The following SMIM29 variants were observed in gnomAD, a reference collection of about 807,000 sequenced individuals.
SMIM29 encodes small integral membrane protein 29, also known as uncharacterized protein C6orf1.
In SMIM29, 4 loss-of-function variants were observed where a neutral mutation model predicts 12.9. The ratio of observed to expected loss-of-function variants is 0.31; its 90% CI spans 0.15 to 0.71. The LOEUF is 0.71. Ranked by LOEUF, SMIM29 falls within the 30% of genes least tolerant of loss-of-function variation. SMIM29 has a pLI of 0.70. For synonymous variants in SMIM29, 50 were observed against 52.0 expected (o/e 0.96, Z 0.17); for missense variants, 122 against 138.1 (o/e 0.88, Z 0.58).
At chr6:34,248,891 C>A in intron 1 of SMIM29, 88 bp downstream of exon 1, 3 of 985,662 alleles carry the variant, frequency 3.0e-6, no homozygotes, top group Non-Finnish European at 3.6e-6. Context: ...GATGGGCCGC[C>A]CCGCGCCCGA....
At chr6:34,248,452 G>A in intron 1 of SMIM29, 1 of 982,988 alleles carries the variant, frequency 1.0e-6, no homozygotes, top group Non-Finnish European at 1.2e-6. Flanking sequence ...GGACACGAGT[G>A]GGTAAAGCTG....
In SMIM29 at chr6:34,247,787, C is replaced by T; in HGVS notation, c.5G>A (p.Ser2Asn). ...GGGGGCATTGGGCACAGTGGTGTTA[C>T]TCATGACATCAGCAGCCGGAGGGCT... is the stretch of plus-strand genomic sequence containing the variant. M[S>N]NTTVPNAPQA... Residue 2 changes from serine (S) to asparagine (N), a missense_variant, in exon 2 of 5, where the codon AGT (serine) becomes AAT (asparagine). By Grantham distance (46) the Ser-to-Asn change is conservative (BLOSUM62 1). Coordinates refer to ENST00000476320, the MANE Select transcript of SMIM29 (RefSeq NM_001008703.4). 7.7e-7 allele frequency: 1 copy of T among 1,303,910 alleles called. No individual in the cohort carries two copies. Among genetic ancestry groups the T allele is most frequent in the Non-Finnish European group, 9.7e-7 (1 of 1,030,834 alleles). The allele number at this position is 1,303,910 out of a possible 1,614,324, so 80.8% of individuals were successfully genotyped here.
At position 34,246,802 on chromosome 6, in the gene SMIM29, G is replaced by A. The variant is rs1297020968; in HGVS notation, c.*1C>T. The A allele has an allele frequency of 3.1e-6, 5 of 1,613,002 alleles. No individual in the cohort carries two copies. Among genetic ancestry groups the A allele is most frequent in the Non-Finnish European group, 4.2e-6 (5 of 1,179,960 alleles). Reference sequence around the variant, plus strand: ...CTGAAGGGTGGGGCAAGGGGGTCAGGTCACGTCTTGACATCCAGCAGTGGC... The same window carrying A: ...CTGAAGGGTGGGGCAAGGGGGTCAGATCACGTCTTGACATCCAGCAGTGGC... On this transcript the variant is annotated 3_prime_UTR_variant, in exon 5 of 5. Coordinates refer to ENST00000476320, the MANE Select transcript of SMIM29 (RefSeq NM_001008703.4).
At chr6:34,247,655 T>A in intron 2 of SMIM29, 26 bp downstream of exon 2, 1 of 1,434,806 alleles carries the variant, frequency 7.0e-7, no homozygotes, top group Non-Finnish European at 9.1e-7. Context: ...GCTGTGGGTG[T>A]CTGTGTGTAT....
At position 34,246,576 on chromosome 6, in the gene SMIM29, G is replaced by GT; in HGVS notation, c.*226dup. The GT allele has an allele frequency of 1.9e-6, 3 of 1,605,106 alleles. No individual in the cohort carries two copies. The highest frequency in any genetic ancestry group is 2.6e-6 in the Non-Finnish European group (3 of 1,174,106). ...CCAGAAGGAAAGCCTCTTCCCATGA[G>GT]TGCCTGTGGGTGGGCGGTGAGCTCA... On this transcript the variant is annotated 3_prime_UTR_variant, in exon 5 of 5. Coordinates refer to ENST00000476320, the MANE Select transcript of SMIM29 (RefSeq NM_001008703.4).
In SMIM29 at chr6:34,246,819, A is replaced by G; in HGVS notation, c.293T>C (p.Leu98Pro). 1.2e-6 allele frequency: 2 copies of G among 1,612,698 alleles called. No homozygotes were observed. Among genetic ancestry groups the G allele is most frequent in the Non-Finnish European group, 1.7e-6 (2 of 1,179,808 alleles). Residue 98 changes from leucine to proline, a missense_variant, in exon 5 of 5, where the codon CTG (leucine) becomes CCG (proline). Leu to Pro is a moderately conservative substitution (Grantham distance 98). Transcript: ENST00000476320. ...SGYQHKRMPLLDVKT is the reference protein window; with the variant it reads ...SGYQHKRMPLPDVKT Reference sequence around the variant, plus strand: ...GGGGTCAGGTCACGTCTTGACATCCAGCAGTGGCATCCGCTTGTGCTGGTA... The same window carrying G: ...GGGGTCAGGTCACGTCTTGACATCCGGCAGTGGCATCCGCTTGTGCTGGTA...
chr6:34,248,472 T>C (rs1200186913), intron 1 of SMIM29: 1 of 982,718 alleles, frequency 1.0e-6, no homozygotes, highest in Non-Finnish European at 1.2e-6. Context: ...GGATTGTATC[T>C]TCAAGATGAT....
At position 34,247,062 on chromosome 6, in the gene SMIM29, A is replaced by G. The variant is rs201594690; in HGVS notation, c.225T>C (p.Ser75=). The G allele has an allele frequency of 6.2e-7, 1 of 1,614,062 alleles. No homozygotes were observed. The highest frequency in any genetic ancestry group is 1.3e-5 in the African/African-American group (1 of 75,020). The part of the protein sequence containing the change: ...ELHEAEQELL[S]DMGDPKVVHG... The stretch of plus-strand genomic sequence containing the variant: ...TGCTCACCTTGGGGTCTCCCATGTC[A>G]GAGAGCAGCTCCTGCTCAGCCTCAT... Residue 75 remains serine, a synonymous_variant, in exon 4 of 5, where the codon TCT becomes TCC. Coordinates refer to ENST00000476320, the MANE Select transcript of SMIM29 (RefSeq NM_001008703.4).
chr6:34,247,032 C>G lies in SMIM29; in HGVS notation c.243+12G>C. On this transcript the variant is annotated intron_variant, in intron 4 of 4. Coordinates refer to ENST00000476320, the MANE Select transcript of SMIM29 (RefSeq NM_001008703.4). ...CCTTGCCTCATTCTCCCCCTGGCCC[C>G]CAAGTGCTCACCTTGGGGTCTCCCA... 4 of 1,614,106 alleles carry G rather than the reference C, an allele frequency of 2.5e-6. No individual in the cohort carries two copies. Among genetic ancestry groups the G allele is most frequent in the African/African-American group, 1.3e-5 (1 of 75,052 alleles).
At chr6:34,248,827 G>T in intron 1 of SMIM29, 152 bp downstream of exon 1, 1 of 985,738 alleles carries the variant, frequency 1.0e-6, no homozygotes, top group Non-Finnish European at 1.2e-6. Context: ...GACAGGAGGT[G>T]GTTCCCACGG....
At chr6:34,247,215 T>C (rs367838709) in intron 3 of SMIM29, 66 bp from the exon 4 acceptor site, 1 of 1,416,752 alleles carries the variant, frequency 7.1e-7, no homozygotes, top group Non-Finnish European at 9.3e-7. Flanking sequence ...CCTGGCTGCC[T>C]CGTCTCCTCC....
intron 2 of SMIM29, 86 bp from the exon 3 acceptor site, chr6:34,247,578 C>T (rs1470933945): frequency 2.0e-6 from 3 of 1,516,846 alleles, no homozygotes; most frequent in Admixed American, 2.3e-5. Context: ...ACCCTTCACT[C>T]CCTTAACAGG....
chr6:34,247,760 TG>T lies in SMIM29; in HGVS notation c.31del (p.Gln11ArgfsTer28). 7.4e-7 allele frequency: 1 copy of T among 1,354,318 alleles called. No homozygotes were observed. Among genetic ancestry groups the T allele is most frequent in the South Asian group, 2.0e-5 (1 of 48,942 alleles). 83.9% of individuals were successfully genotyped at this position (1,354,318 alleles called of 1,614,324 possible). ...GCCCACCATGGAGTCGCTGTTGGCC[TG>T]GGGGGCATTGGGCACAGTGGTGTTA... MSNTTVPNAP[Q>X]ANSDSMVGYV... On this transcript the variant is annotated frameshift_variant, in exon 2 of 5. Coordinates refer to ENST00000476320, the MANE Select transcript of SMIM29 (RefSeq NM_001008703.4). LOFTEE classifies it high-confidence loss of function.
In SMIM29 at chr6:34,246,666, C is replaced by A; in HGVS notation, c.*137G>T. Reference sequence around the variant, plus strand: ...ATGGTGAGGGCATGGGAAGCAGATGCTGCTGAGGGTGGGTGGAGGGAGAAA... The same window carrying A: ...ATGGTGAGGGCATGGGAAGCAGATGATGCTGAGGGTGGGTGGAGGGAGAAA... On this transcript the variant is annotated 3_prime_UTR_variant, in exon 5 of 5. Coordinates refer to ENST00000476320, the MANE Select transcript of SMIM29 (RefSeq NM_001008703.4). 3 of 1,613,860 alleles carry A rather than the reference C, an allele frequency of 1.9e-6. No homozygotes were observed. Among genetic ancestry groups the A allele is most frequent in the Non-Finnish European group, 2.5e-6 (3 of 1,179,926 alleles).
chr6:34,247,032 C>A lies in SMIM29; in HGVS notation c.243+12G>T, dbSNP rs763796441. The A allele has an allele frequency of 6.2e-7, 1 of 1,614,106 alleles. No homozygotes were observed. The highest frequency in any genetic ancestry group is 1.1e-5 in the South Asian group (1 of 91,082). Reference sequence around the variant, plus strand: ...CCTTGCCTCATTCTCCCCCTGGCCCCCAAGTGCTCACCTTGGGGTCTCCCA... The same window carrying A: ...CCTTGCCTCATTCTCCCCCTGGCCCACAAGTGCTCACCTTGGGGTCTCCCA... On this transcript the variant is annotated intron_variant, in intron 4 of 4. Transcript: ENST00000476320.
Position 34,246,661 on chromosome 6 carries a change from A to G in SMIM29, c.*142T>C, listed in dbSNP as rs1762783100. Reference sequence around the variant, plus strand: ...AGGTGATGGTGAGGGCATGGGAAGCAGATGCTGCTGAGGGTGGGTGGAGGG... The same window carrying G: ...AGGTGATGGTGAGGGCATGGGAAGCGGATGCTGCTGAGGGTGGGTGGAGGG... On this transcript the variant is annotated 3_prime_UTR_variant, in exon 5 of 5. Coordinates refer to ENST00000476320, the MANE Select transcript of SMIM29 (RefSeq NM_001008703.4). 1.2e-6 allele frequency: 2 copies of G among 1,613,984 alleles called. No homozygotes were observed. The highest frequency in any genetic ancestry group is 2.2e-5 in the South Asian group (2 of 91,082).
chr6:34,247,258 C>T, intron 3 of SMIM29, 109 bp from the exon 4 acceptor site: 4 of 1,584,564 alleles, frequency 2.5e-6, no homozygotes, highest in East Asian at 4.6e-5. Context: ...CAGTGGGTGC[C>T]TTTTGGGACA....
Position 34,247,505 on chromosome 6 carries a change from C to G in SMIM29, c.112-13G>C, listed in dbSNP as rs1336754815. ...GTACATACATTACCTGCAACAGAGA[C>G]ACAGCACTGTGGGGGCTGCTGAGCC... On this transcript the variant is annotated splice_polypyrimidine_tract_variant and intron_variant, in intron 2 of 4. Transcript: ENST00000476320. 9 of 1,572,214 alleles carry G rather than the reference C, an allele frequency of 5.7e-6. No individual in the cohort carries two copies. Among genetic ancestry groups the G allele is most frequent in the Middle Eastern group, 1.7e-4 (1 of 6,024 alleles).
In SMIM29 at chr6:34,246,821, C is replaced by T; in HGVS notation, c.291G>A (p.Leu97=). ...QSGYQHKRMP[L]LDVKT ...GGTCAGGTCACGTCTTGACATCCAG[C>T]AGTGGCATCCGCTTGTGCTGGTAGC... The change falls in exon 5 of 5, where the codon CTG becomes CTA. Residue 97 remains leucine, a synonymous_variant. Transcript: ENST00000476320. 1.2e-6 allele frequency: 2 copies of T among 1,612,562 alleles called. No individual in the cohort carries two copies. The highest frequency in any genetic ancestry group is 2.2e-5 in the South Asian group (2 of 91,076).
Sources: gnomAD v4.1 joint callset for allele counts on GRCh38, gnomAD v4.1.1 for gene constraint, MANE v1.5 for transcripts, NCBI Gene and HGNC (gene_info 2026-07-23, HGNC 2026-07-21) for gene names.